Variants in CIC observed in about 807,000 individuals in gnomAD.
The protein encoded by CIC is capicua transcriptional repressor.
CIC carries 18 observed loss-of-function variants against 115.7 expected under a neutral mutation model. The observed-to-expected ratio is 0.16, with a 90% confidence interval of 0.11 to 0.23. The LOEUF (loss-of-function observed/expected upper bound fraction) is 0.23. CIC is among the 10% of genes least tolerant of loss of function. The probability of loss-of-function intolerance (pLI) is 1.00; values close to 1 mark genes in which losing one functional copy is unlikely to be tolerated. For synonymous variants in CIC, 1,076 were observed against 923.0 expected, an observed-to-expected ratio of 1.17 and a Z score of -3.01; for missense variants, 2,000 against 2,159.3, an observed-to-expected ratio of 0.93 and a Z score of 1.46.
Position 42,290,834 on chromosome 19 carries a change from A to C in CIC, c.4793A>C (p.Lys1598Thr). The C allele has an allele frequency of 6.2e-7, 1 of 1,609,990 alleles. No homozygotes were observed. Among genetic ancestry groups the C allele is most frequent in the Non-Finnish European group, 8.5e-7 (1 of 1,178,478 alleles). Residue 1598 changes from lysine (K) to threonine (T), a missense_variant, in exon 11 of 21, where the codon AAG (lysine) becomes ACG (threonine). Coordinates refer to ENST00000681038, the MANE Select transcript of CIC (RefSeq NM_001386298.1). ...AGCACTCCTGTGCCCATCGCCTCTA[A>C]GCCCTTCCCCACCTCTGGCCGGGCT... is the stretch of plus-strand genomic sequence containing the variant. ...VSSTPVPIAS[K>T]PFPTSGRAEA...
chr19:42,295,342 T>G lies in CIC; in HGVS notation c.*151T>G. 15 of 668,538 alleles carry G rather than the reference T, an allele frequency of 2.2e-5. No homozygotes were observed. Among genetic ancestry groups the G allele is most frequent in the Non-Finnish European group, 3.0e-5 (12 of 402,520 alleles). The allele number at this position is 668,538 out of a possible 1,614,324, so 41.4% of individuals were successfully genotyped here. A position where few individuals can be genotyped will look rare whatever the true frequency, so the allele number is the denominator to read the frequency against. ...GCCTGCTCCTCTTGTAAATACCCCC[T>G]TCCCTCGAAGCTCCCTCCCGGTGCT... is the stretch of plus-strand genomic sequence containing the variant. On this transcript the variant is annotated 3_prime_UTR_variant, in exon 21 of 21. Coordinates refer to ENST00000681038, the MANE Select transcript of CIC (RefSeq NM_001386298.1).
intron 12 of CIC, 134 bp from the exon 13 acceptor site, chr19:42,291,952 T>C (rs2038152671): frequency 2.1e-6 from 3 of 1,398,462 alleles, no homozygotes; most frequent in Non-Finnish European, 3.0e-6. Context: ...CTCACTGTCA[T>C]CTTGCCCATC....
chr19:42,291,243 A>G lies in CIC; in HGVS notation c.5202A>G (p.Val1734=), dbSNP rs376713617. Residue 1734 remains valine, a synonymous_variant, in exon 11 of 21, where the codon GTA becomes GTG. Transcript: ENST00000681038. Reference sequence around the variant, plus strand: ...GCAAGGCTGGGGGAATCACCCAGGTACAGTACATCCTGCCCACGCTGCCCC... The same window carrying G: ...GCAAGGCTGGGGGAATCACCCAGGTGCAGTACATCCTGCCCACGCTGCCCC... ...ALGKAGGITQ[V]QYILPTLPQQ... 5 of 1,612,064 alleles carry G rather than the reference A, an allele frequency of 3.1e-6. No individual in the cohort carries two copies. In the African/African-American group the frequency reaches 4.0e-5, roughly 13 times the overall value.
rs758662337 is a variant in CIC at position 42,290,634 on chromosome 19, C to A, written c.4593C>A (p.Ser1531Arg). 2 of 1,613,536 alleles carry A rather than the reference C, an allele frequency of 1.2e-6. No homozygotes were observed. The highest frequency in any genetic ancestry group is 4.5e-5 in the East Asian group (2 of 44,882). Residue 1531 changes from serine (S) to arginine (R), a missense_variant, in exon 11 of 21, where the codon AGC becomes AGA. By Grantham distance (110) the Ser-to-Arg change is moderately radical (BLOSUM62 -1). Transcript: ENST00000681038. Reference protein sequence around the residue: ...PGPSVIAAPPSGGGNILQTLV... With the variant: ...PGPSVIAAPPRGGGNILQTLV... Reference sequence around the variant, plus strand: ...CCTCAGTCATCGCGGCCCCTCCCAGCGGAGGAGGAAACATCCTGCAGACAC... The same window carrying A: ...CCTCAGTCATCGCGGCCCCTCCCAGAGGAGGAGGAAACATCCTGCAGACAC...
chr19:42,287,423 G>A lies in CIC; in HGVS notation c.3283G>A (p.Glu1095Lys), dbSNP rs1254676708. 1 of 1,613,836 alleles carries A rather than the reference G, an allele frequency of 6.2e-7. No individual in the cohort carries two copies. The highest frequency in any genetic ancestry group is 8.5e-7 in the Non-Finnish European group (1 of 1,180,042). ...ALPKERDSSS[E>K]KDGRSPNKRE... ...ACCCAAGGAACGGGACTCATCTTCT[G>A]AGAAGGATGGACGCAGCCCCAACAA... Residue 1095 changes from glutamate (E) to lysine (K), a missense_variant, in exon 5 of 21, where the codon GAG becomes AAG. Coordinates refer to ENST00000681038, the MANE Select transcript of CIC (RefSeq NM_001386298.1). This position sits in a 1 kb window ranked among gnomAD's most constrained non-coding sequence, Gnocchi z 8.7.
At chr19:42,279,603 C>T (rs1453969599) in intron 2 of CIC, among the ~76,000 whole-genome samples, 1 of 152,240 alleles carries the variant, frequency 6.6e-6, no homozygotes, top group Non-Finnish European at 1.5e-5. Flanking sequence ...CTAGTTGAGG[C>T]TGGAGCTGAC....
In CIC at chr19:42,287,119, C is replaced by T. The variant is rs773819902; in HGVS notation, c.3058C>T (p.Pro1020Ser). ...CCCTGAGAGCCCAGGACCCGGACCC[C>T]CACACCCTTTGGGGGTGGTGGAATC... ...TCPESPGPGP[P>S]HPLGVVESGK... The change falls in exon 4 of 21, where the codon CCA (proline) becomes TCA (serine). Residue 1020 changes from proline to serine, a missense_variant. Pro to Ser is a moderately conservative substitution (Grantham distance 74). Around this residue, in one of 8 missense-constraint regions of CIC, gnomAD observed 222 missense variants for 247.7 expected, o/e 0.90. Coordinates refer to ENST00000681038, the MANE Select transcript of CIC (RefSeq NM_001386298.1). The surrounding 1 kb of genome is among the most constrained non-coding windows in gnomAD (Gnocchi z 8.7). 1 of 1,613,634 alleles carries T rather than the reference C, an allele frequency of 6.2e-7. No homozygotes were observed. Among genetic ancestry groups the T allele is most frequent in the Non-Finnish European group, 8.5e-7 (1 of 1,179,956 alleles).
Position 42,273,977 on chromosome 19 carries a change from G to C in CIC, c.2194G>C (p.Gly732Arg). 2 of 398,940 alleles carry C rather than the reference G, an allele frequency of 5.0e-6. No homozygotes were observed. The highest frequency in any genetic ancestry group is 8.8e-6 in the Non-Finnish European group (2 of 226,328). 24.7% of individuals were successfully genotyped at this position (398,940 alleles called of 1,614,324 possible). Residue 732 changes from glycine (G) to arginine (R), a missense_variant, in exon 2 of 21, where the codon GGT (glycine) becomes CGT (arginine). Transcript: ENST00000681038. The stretch of plus-strand genomic sequence containing the variant: ...GGCCTTGGGGGCCCCTGGCGCAGGG[G>C]GTGGAGGAGCCGCCCCAGACTTTCC... ...PGALGAPGAGGGGAAPDFPKS... is the reference protein window; with the variant it reads ...PGALGAPGAGRGGAAPDFPKS...
At position 42,289,311 on chromosome 19, in the gene CIC, G is replaced by A. The variant is rs779676461; in HGVS notation, c.3992G>A (p.Arg1331Gln). ...ATGRPPLLPTRASRSQRAASE... is the reference protein window; with the variant it reads ...ATGRPPLLPTQASRSQRAASE... The stretch of plus-strand genomic sequence containing the variant: ...GGGCGGCCCCCGCTGCTGCCCACCC[G>A]AGCTTCTCGTTCTCAGCGTGCGGCC... Residue 1331 changes from arginine (R) to glutamine (Q), a missense_variant, in exon 9 of 21, where the codon CGA (arginine) becomes CAA (glutamine). This residue lies in a region of CIC where 1,466 missense variants were observed against 1,390.4 expected (regional missense o/e 1.05). Coordinates refer to ENST00000681038, the MANE Select transcript of CIC (RefSeq NM_001386298.1). 126 of 1,613,908 alleles carry A rather than the reference G, an allele frequency of 7.8e-5. 1 individual carries two copies. Among genetic ancestry groups the A allele is most frequent in the Middle Eastern group, 3.3e-4 (2 of 6,036 alleles).
In CIC at chr19:42,273,701, C is replaced by T; in HGVS notation, c.1918C>T (p.Arg640Cys). 2 of 398,940 alleles carry T rather than the reference C, an allele frequency of 5.0e-6. No homozygotes were observed. Among genetic ancestry groups the T allele is most frequent in the South Asian group, 1.3e-4 (1 of 7,884 alleles). 24.7% of individuals were successfully genotyped at this position (398,940 alleles called of 1,614,324 possible). Reference protein sequence around the residue: ...SPSPSPLFGFRPANFSPINAS... With the variant: ...SPSPSPLFGFCPANFSPINAS... Reference sequence around the variant, plus strand: ...CTCACCCTCACCACTCTTCGGCTTCCGCCCTGCCAACTTTAGCCCCATCAA... The same window carrying T: ...CTCACCCTCACCACTCTTCGGCTTCTGCCCTGCCAACTTTAGCCCCATCAA... The change falls in exon 2 of 21, where the codon CGC (arginine) becomes TGC (cysteine). Residue 640 changes from arginine to cysteine, a missense_variant. Arg to Cys is a radical substitution (Grantham distance 180). This residue lies in a region of CIC where 222 missense variants were observed against 247.7 expected (regional missense o/e 0.90). Transcript: ENST00000681038.
chr19:42,289,476 T>C (rs2037914063), intron 9 of CIC, 70 bp downstream of exon 9: 1 of 1,486,264 alleles, frequency 6.7e-7, no homozygotes, highest in African/African-American at 1.4e-5. Context: ...GGGCAGAACT[T>C]GGATCCAGGC....
chr19:42,286,944 G>A (rs2037693058), intron 3 of CIC, 24 bp downstream of exon 3: 4 of 1,608,908 alleles, frequency 2.5e-6, no homozygotes, highest in African/African-American at 2.7e-5. Context: ...GGGACTGGGG[G>A]GAGGCAAGGG....
In CIC at chr19:42,273,865, A is replaced by G; in HGVS notation, c.2082A>G (p.Gly694=). The change falls in exon 2 of 21, where the codon GGA becomes GGG. Residue 694 remains glycine (G), a synonymous_variant. Transcript: ENST00000681038. ...CCCCCCGAGAGCGCCACTCCTCTGG[A>G]ATCCTACCCACCTTCCAGACCAACC... ...PPAPRERHSS[G]ILPTFQTNLT... The G allele has an allele frequency of 2.5e-6, 1 of 398,190 alleles. No homozygotes were observed. Among genetic ancestry groups the G allele is most frequent in the Non-Finnish European group, 4.4e-6 (1 of 226,004 alleles). 24.7% of individuals were successfully genotyped at this position (398,190 alleles called of 1,614,324 possible). A position where few individuals can be genotyped will look rare whatever the true frequency, so the allele number is the denominator to read the frequency against.
In CIC at chr19:42,291,480, C is replaced by T. The variant is rs765762729; in HGVS notation, c.5425+14C>T. On this transcript the variant is annotated intron_variant, in intron 11 of 20. Coordinates refer to ENST00000681038, the MANE Select transcript of CIC (RefSeq NM_001386298.1). ...CACCCCCCAAAGGTGAGACCTGGGC[C>T]GGGCAGCACTAGGGGAGGGGCCATA... 2.2e-5 allele frequency: 36 copies of T among 1,613,010 alleles called. No individual in the cohort carries two copies. The highest frequency in any genetic ancestry group is 1.6e-4 in the Middle Eastern group (1 of 6,082).
intron 1 of CIC, among the ~76,000 whole-genome samples, chr19:42,269,727 T>G: frequency 9.1e-6 from 1 of 109,918 alleles, no homozygotes; most frequent in African/African-American, 3.6e-5. Flanking sequence ...CTGGGAGGAA[T>G]AGGTGACAGA....
In CIC at chr19:42,293,793, G is replaced by T. The variant is rs1204263804; in HGVS notation, c.6724G>T (p.Val2242Leu). ...EAAGTGKKVK[V>L]RPPPLKKTFD... is the part of the protein sequence containing the mutation. The stretch of plus-strand genomic sequence containing the variant: ...GGCTGGTACTGGCAAGAAGGTGAAG[G>T]TGCGGCCCCCGCCCCTGAAGAAGAC... Residue 2242 changes from valine (V) to leucine (L), a missense_variant, in exon 17 of 21, where the codon GTG becomes TTG. This residue lies in a region of CIC where 99 missense variants were observed against 217.6 expected (regional missense o/e 0.45). Coordinates refer to ENST00000681038, the MANE Select transcript of CIC (RefSeq NM_001386298.1). The T allele has an allele frequency of 6.2e-7, 1 of 1,612,448 alleles. No homozygotes were observed. The highest frequency in any genetic ancestry group is 8.5e-7 in the Non-Finnish European group (1 of 1,179,586).
In CIC at chr19:42,290,758, C is replaced by T; in HGVS notation, c.4717C>T (p.Leu1573=). The change falls in exon 11 of 21, where the codon CTG becomes TTG. Residue 1573 remains leucine (L), a synonymous_variant. Transcript: ENST00000681038. ...GGCCTATGGGGCCCCAGCAGCTCCC[C>T]TGTCCCGTCCTGCCGCCACCATGGT... ...SLAYGAPAAP[L]SRPAATMVTN... is the part of the protein sequence containing the mutation. The T allele has an allele frequency of 1.2e-6, 2 of 1,612,072 alleles. No homozygotes were observed. Among genetic ancestry groups the T allele is most frequent in the South Asian group, 1.1e-5 (1 of 91,032 alleles).
At chr19:42,281,395 G>C (rs1256984447) in intron 2 of CIC, among the ~76,000 whole-genome samples, 4 of 152,206 alleles carry the variant, frequency 2.6e-5, no homozygotes, top group Non-Finnish European at 4.4e-5. Flanking sequence ...CGCCCGGGTG[G>C]CTGTTGATGT....
rs2147179752 is a variant in CIC at position 42,287,105 on chromosome 19, C to G, written c.3044C>G (p.Pro1015Arg). 1.2e-6 allele frequency: 2 copies of G among 1,613,536 alleles called. No homozygotes were observed. Among genetic ancestry groups the G allele is most frequent in the Non-Finnish European group, 1.7e-6 (2 of 1,179,970 alleles). The change falls in exon 4 of 21, where the codon CCA (proline) becomes CGA (arginine). Residue 1015 changes from proline (P) to arginine (R), a missense_variant. This residue lies in a region of CIC where 222 missense variants were observed against 247.7 expected (regional missense o/e 0.90). Transcript: ENST00000681038. This position sits in a 1 kb window ranked among gnomAD's most constrained non-coding sequence, Gnocchi z 8.7. ...RPPGATCPES[P>R]GPGPPHPLGV... ...CCTGGAGCCACATGCCCTGAGAGCC[C>G]AGGACCCGGACCCCCACACCCTTTG... is the stretch of plus-strand genomic sequence containing the variant.
Sources: allele counts gnomAD v4.1 joint callset (sites outside exome capture counted in the v4.1 genomes callset), GRCh38; gene constraint gnomAD v4.1.1; regional missense constraint gnomAD v4.1.1; non-coding constraint Gnocchi (gnomAD v3.1); transcripts MANE v1.5; gene names NCBI Gene and HGNC (gene_info 2026-07-23, HGNC 2026-07-21).